Variants in TENM4 observed in about 807,000 individuals in gnomAD.
TENM4 encodes teneurin transmembrane protein 4.
In TENM4, 82 loss-of-function variants were observed where a neutral mutation model predicts 243.3. The observed-to-expected ratio is 0.34, with a 90% CI of 0.28 to 0.40. The LOEUF (loss-of-function observed/expected upper bound fraction) is 0.40. TENM4 is among the 10% of genes least tolerant of loss of function. The pLI is 1.00. For synonymous variants in TENM4, 1,412 were observed against 1,456.3 expected (o/e 0.97, Z 0.69); for missense variants, 3,138 against 3,673.3 (o/e 0.85, Z 3.77).
chr11:78,696,448 A>AGTACAC lies in TENM4; in HGVS notation c.5087+5077_5087+5078insGTGTAC, dbSNP rs1858966043. ...TCTTGCCCTTTTGTACGTTCAGTTG[A>AGTACAC]AAGCGTGACATCTTGTGTAGCATGG... On this transcript the variant is annotated intron_variant, in intron 28 of 33. Transcript: ENST00000278550. Among the ~76,000 whole-genome samples, 3 of 151,428 alleles carry AGTACAC rather than the reference A, an allele frequency of 2.0e-5. No homozygotes were observed. In the South Asian group the frequency reaches 6.2e-4, roughly 31 times the overall value.
At chr11:78,785,469 G>A (rs1160785848) in intron 16 of TENM4, among the ~76,000 whole-genome samples, 1 of 152,166 alleles carries the variant, frequency 6.6e-6, no homozygotes, top group African/African-American at 2.4e-5. Context: ...GGGCTGCAGA[G>A]TAAGCAGCTG....
intron 6 of TENM4, among the ~76,000 whole-genome samples, chr11:79,026,942 A>C (rs1278269839): frequency 6.6e-6 from 1 of 152,152 alleles, no homozygotes; most frequent in East Asian, 1.9e-4. Flanking sequence ...AGAGAGAGAG[A>C]GTTCATGTGA....
At chr11:79,190,198 T>C (rs1163439754) in intron 3 of TENM4, among the ~76,000 whole-genome samples, 1 of 152,232 alleles carries the variant, frequency 6.6e-6, no homozygotes, top group Non-Finnish European at 1.5e-5. Context: ...TTTTAAAAGA[T>C]GGTCACATTT....
chr11:79,064,952 C>T lies in TENM4; in HGVS notation c.279G>A (p.Gly93=), dbSNP rs746756934. Reference sequence around the variant, plus strand: ...GGCCAATGTCTGTCCGGTACAGGGTCCCGTGAGGGGGCGTTACTTCTTCCA... The same window carrying T: ...GGCCAATGTCTGTCCGGTACAGGGTTCCGTGAGGGGGCGTTACTTCTTCCA... ...LGLEEVTPPH[G]TLYRTDIGLP... The change falls in exon 6 of 34, where the codon GGG becomes GGA. Residue 93 remains glycine (G), a synonymous_variant. Transcript: ENST00000278550. 1.3e-6 allele frequency: 2 copies of T among 1,493,390 alleles called. No individual in the cohort carries two copies. The highest frequency in any genetic ancestry group is 9.0e-7 in the Non-Finnish European group (1 of 1,115,628). The allele number at this position is 1,493,390 out of a possible 1,614,324, so 92.5% of individuals were successfully genotyped here.
chr11:79,376,921 G>A (rs182924448), intron 1 of TENM4, among the ~76,000 whole-genome samples: 289 of 152,262 alleles, frequency 1.9e-3, no homozygotes, highest in Non-Finnish European at 2.5e-3. Context: ...ACTATCCCTC[G>A]GAACAGGGAC....
chr11:79,231,802 G>A (rs1278982193), intron 2 of TENM4, among the ~76,000 whole-genome samples: 1 of 152,206 alleles, frequency 6.6e-6, no homozygotes, highest in Non-Finnish European at 1.5e-5. Flanking sequence ...GAGGGGGCCA[G>A]GCGTGATGGC....
At chr11:79,113,946 G>C (rs1466982686) in intron 4 of TENM4, among the ~76,000 whole-genome samples, 1 of 152,154 alleles carries the variant, frequency 6.6e-6, no homozygotes. Flanking sequence ...TTTCCCATGA[G>C]TTAAGGGAAT....
chr11:79,149,777 ATTTCCTCACCTGTAAT>A (rs1862466833), intron 3 of TENM4, among the ~76,000 whole-genome samples: 1 of 151,984 alleles, frequency 6.6e-6, no homozygotes, highest in Non-Finnish European at 1.5e-5. Flanking sequence ...CTGCATCTCC[ATTTCCTCACCTGTAAT>A]AAGGTATGTG....
intron 1 of TENM4, among the ~76,000 whole-genome samples, chr11:79,382,330 C>A (rs1329173024): frequency 6.6e-6 from 1 of 152,186 alleles, no homozygotes; most frequent in East Asian, 1.9e-4. Context: ...GCTTCAGACA[C>A]ATGCTCTTTT....
At chr11:79,150,737 TC>T (rs1565225141) in intron 3 of TENM4, among the ~76,000 whole-genome samples, 1 of 152,108 alleles carries the variant, frequency 6.6e-6, no homozygotes, top group South Asian at 2.1e-4. Context: ...GGTTCTTCTT[TC>T]CCCCCAAGGA....
intron 11 of TENM4, 55 bp from the exon 12 acceptor site, chr11:78,854,369 G>A (rs1033863229): frequency 4.3e-5 from 61 of 1,413,894 alleles, no homozygotes; most frequent in South Asian, 1.6e-4. Context: ...ACGCACCAGC[G>A]TCCTTCCCGG....
At chr11:78,703,117 C>T (rs1342376835) in intron 27 of TENM4, among the ~76,000 whole-genome samples, 1 of 152,130 alleles carries the variant, frequency 6.6e-6, no homozygotes, top group Non-Finnish European at 1.5e-5. Flanking sequence ...AAACCCCACC[C>T]TTGGTGGGTG....
At chr11:78,788,743 C>A (rs1489161729) in intron 15 of TENM4, among the ~76,000 whole-genome samples, 1 of 152,218 alleles carries the variant, frequency 6.6e-6, no homozygotes. Flanking sequence ...TTTGTGAGAT[C>A]TATACCTGCT....
chr11:79,056,805 C>T (rs916932079), intron 6 of TENM4, among the ~76,000 whole-genome samples: 8 of 152,086 alleles, frequency 5.3e-5, no homozygotes, highest in African/African-American at 1.2e-4. Context: ...AACAAGAAAG[C>T]ACAGGGTATG....
At position 79,190,750 on chromosome 11, in the gene TENM4, A is replaced by T. The variant is rs115299024; in HGVS notation, c.-163+25058T>A. Among the ~76,000 whole-genome samples, 1,396 of 151,232 alleles carry T rather than the reference A, an allele frequency of 9.2e-3. 33 individuals carry two copies. The highest frequency in any genetic ancestry group is 0.031 in the African/African-American group (1,264 of 40,916). On this transcript the variant is annotated intron_variant, in intron 3 of 33. Coordinates refer to ENST00000278550, the MANE Select transcript of TENM4 (RefSeq NM_001098816.3). ...GCAAAGCAGTTTTCATTATAATTAC[A>T]GTTTAAAAAATATTTTCGTCCCTCT...
chr11:78,746,442 G>C (rs923275772), intron 19 of TENM4, among the ~76,000 whole-genome samples: 1 of 152,384 alleles, frequency 6.6e-6, no homozygotes, highest in African/African-American at 2.4e-5. Context: ...GAGCTCCCAG[G>C]CTGCAGAATC....
intron 3 of TENM4, among the ~76,000 whole-genome samples, chr11:79,213,479 G>A (rs1336163602): frequency 6.6e-6 from 1 of 152,210 alleles, no homozygotes. Context: ...AAGCAGAAGA[G>A]GGGCCCAGAA....
At chr11:79,358,359 C>T (rs1477794156) in intron 1 of TENM4, among the ~76,000 whole-genome samples, 2 of 152,156 alleles carry the variant, frequency 1.3e-5, no homozygotes, top group Admixed American at 6.5e-5. Flanking sequence ...GATTATCAGG[C>T]GGCTTATGAG....
intron 4 of TENM4, among the ~76,000 whole-genome samples, 171 bp from the exon 5 acceptor site, chr11:79,070,180 C>A (rs955243376): frequency 6.6e-6 from 1 of 152,206 alleles, no homozygotes; most frequent in Non-Finnish European, 1.5e-5. Flanking sequence ...AAGTCGCACC[C>A]AGGACCTCTA....
Sources: allele counts gnomAD v4.1 joint callset (sites outside exome capture counted in the v4.1 genomes callset), GRCh38; gene constraint gnomAD v4.1.1; transcripts MANE v1.5; gene names NCBI Gene and HGNC (gene_info 2026-07-23, HGNC 2026-07-21).